Variants in PRKCE observed in about 807,000 individuals in gnomAD.
The protein encoded by PRKCE is protein kinase C epsilon type.
In PRKCE, 16 loss-of-function variants were observed where a neutral mutation model predicts 85.4. That is an observed-to-expected ratio of 0.19 (90% confidence interval 0.13 to 0.28). PRKCE has a LOEUF of 0.28. Ranked by LOEUF, PRKCE falls within the 10% of genes least tolerant of loss-of-function variation. The pLI is 1.00. For synonymous variants in PRKCE, 388 were observed against 371.5 expected (o/e 1.04, Z -0.51); for missense variants, 573 against 975.2 (o/e 0.59, Z 5.49).
intron 1 of PRKCE, among the ~76,000 whole-genome samples, chr2:45,698,729 G>A (rs550234241): frequency 6.6e-6 from 1 of 152,278 alleles, no homozygotes. Flanking sequence ...TGTATCCTAG[G>A]AAGCCATCTG....
At chr2:45,691,771 A>G (rs1231604584) in intron 1 of PRKCE, among the ~76,000 whole-genome samples, 1 of 152,206 alleles carries the variant, frequency 6.6e-6, no homozygotes, top group Non-Finnish European at 1.5e-5. Context: ...TAATGAGTAC[A>G]AGGTCACAGC....
chr2:45,918,328 G>T (rs953035536), intron 2 of PRKCE, among the ~76,000 whole-genome samples: 1 of 152,210 alleles, frequency 6.6e-6, no homozygotes, highest in Non-Finnish European at 1.5e-5. Context: ...TGTAATGTAG[G>T]CTTTAGCTTT....
In PRKCE at chr2:46,004,421, C is replaced by G. The variant is rs757903763; in HGVS notation, c.967-121C>G. ...ATGGCTGCAAGAGGACAGAGATCTACTGAATTCCTGCTGCTCTGGGAACTC... is the reference window on the plus strand; with the variant it reads ...ATGGCTGCAAGAGGACAGAGATCTAGTGAATTCCTGCTGCTCTGGGAACTC... On this transcript the variant is annotated intron_variant, in intron 7 of 14. Transcript: ENST00000306156. The surrounding 1 kb of genome is among the most constrained non-coding windows in gnomAD (Gnocchi z 4.1). 7.2e-6 allele frequency: 6 copies of G among 835,132 alleles called. No individual in the cohort carries two copies. The highest frequency in any genetic ancestry group is 9.5e-6 in the Non-Finnish European group (5 of 524,156). 51.7% of individuals were successfully genotyped at this position (835,132 alleles called of 1,614,324 possible). A position where few individuals can be genotyped will look rare whatever the true frequency, so the allele number is the denominator to read the frequency against.
At chr2:45,693,742 G>A (rs915453276) in intron 1 of PRKCE, among the ~76,000 whole-genome samples, 5 of 152,160 alleles carry the variant, frequency 3.3e-5, no homozygotes, top group East Asian at 1.9e-4. Context: ...GGGGTGGACC[G>A]TCACCCCTGA....
intron 10 of PRKCE, among the ~76,000 whole-genome samples, chr2:46,019,987 T>C (rs954385306): frequency 9.2e-5 from 14 of 151,808 alleles, no homozygotes; most frequent in Admixed American, 8.5e-4. Flanking sequence ...ATAGCTGGGA[T>C]TACAGGCACG....
chr2:45,889,421 C>T (rs1274026257), intron 2 of PRKCE, among the ~76,000 whole-genome samples: 1 of 152,242 alleles, frequency 6.6e-6, no homozygotes, highest in Non-Finnish European at 1.5e-5. Context: ...CAACGATGAA[C>T]TTGTGTCTTA....
intron 6 of PRKCE, among the ~76,000 whole-genome samples, chr2:45,992,015 G>A (rs932473955): frequency 3.9e-5 from 6 of 152,140 alleles, no homozygotes; most frequent in African/African-American, 1.4e-4. Flanking sequence ...TGGTGAACCT[G>A]GAGATAAAAC....
chr2:45,875,051 C>T (rs1265275935), intron 2 of PRKCE, among the ~76,000 whole-genome samples: 1 of 151,678 alleles, frequency 6.6e-6, no homozygotes, highest in African/African-American at 2.4e-5. Context: ...TACACACATG[C>T]ATGCAGGACC....
At chr2:46,045,370 G>T (rs1490628869) in intron 10 of PRKCE, among the ~76,000 whole-genome samples, 1 of 152,182 alleles carries the variant, frequency 6.6e-6, no homozygotes, top group East Asian at 1.9e-4. Context: ...AAGCAATTTT[G>T]ACCGTCCTCT....
At chr2:46,086,158 G>A (rs374600791) in intron 10 of PRKCE, 50 bp from the exon 11 acceptor site, 3 of 1,578,386 alleles carry the variant, frequency 1.9e-6, no homozygotes, top group East Asian at 2.2e-5. Flanking sequence ...TGGCCTGTGT[G>A]GGCAGCTGCA....
At chr2:45,792,324 C>T (rs952674750) in intron 1 of PRKCE, among the ~76,000 whole-genome samples, 13 of 152,194 alleles carry the variant, frequency 8.5e-5, no homozygotes, top group African/African-American at 3.1e-4. Context: ...ATAACCCAGA[C>T]ACCTCTCATG....
At chr2:46,021,307 G>A (rs1706639971) in intron 10 of PRKCE, among the ~76,000 whole-genome samples, 1 of 152,190 alleles carries the variant, frequency 6.6e-6, no homozygotes, top group Non-Finnish European at 1.5e-5. Context: ...AGTAAAGGGG[G>A]ATTCCTTGAA....
intron 2 of PRKCE, among the ~76,000 whole-genome samples, chr2:45,948,084 C>A (rs1355072835): frequency 6.6e-6 from 1 of 152,174 alleles, no homozygotes; most frequent in Non-Finnish European, 1.5e-5. Context: ...AACTGGAGAA[C>A]AATTTGTGAA....
At chr2:45,909,596 C>T (rs1033340259) in intron 2 of PRKCE, among the ~76,000 whole-genome samples, 4 of 152,158 alleles carry the variant, frequency 2.6e-5, no homozygotes, top group South Asian at 2.1e-4. Flanking sequence ...CAAAAATCAG[C>T]GAAAATAAAA....
intron 10 of PRKCE, among the ~76,000 whole-genome samples, chr2:46,077,335 A>C (rs565432594): frequency 6.6e-6 from 1 of 152,308 alleles, no homozygotes; most frequent in East Asian, 1.9e-4. Context: ...GTATACATGA[A>C]ATATGTACAG....
intron 2 of PRKCE, among the ~76,000 whole-genome samples, chr2:45,929,505 A>G (rs1176143321): frequency 2.6e-5 from 4 of 151,936 alleles, no homozygotes; most frequent in African/African-American, 9.7e-5. Context: ...GATGCAGGAA[A>G]CTGTTGCCCC....
chr2:46,154,513 T>C (rs1677007924), intron 13 of PRKCE, among the ~76,000 whole-genome samples: 1 of 136,768 alleles, frequency 7.3e-6, no homozygotes, highest in African/African-American at 2.7e-5. Context: ...CTGTGGCTCT[T>C]TGAAGCTTTC....
intron 1 of PRKCE, among the ~76,000 whole-genome samples, chr2:45,739,881 T>A (rs1357291766): frequency 6.6e-6 from 1 of 152,208 alleles, no homozygotes; most frequent in Non-Finnish European, 1.5e-5. Flanking sequence ...AAACCTTAAA[T>A]CCTCTTTAGG....
At chr2:45,832,633 A>G (rs1237064098) in intron 1 of PRKCE, among the ~76,000 whole-genome samples, 3 of 152,146 alleles carry the variant, frequency 2.0e-5, no homozygotes, top group Non-Finnish European at 4.4e-5. Context: ...TTTATCATTC[A>G]TGCAGTATGG....
Sources: gnomAD v4.1 joint callset for allele counts (sites outside exome capture counted in the v4.1 genomes callset) on GRCh38, gnomAD v4.1.1 for gene constraint, Gnocchi (gnomAD v3.1) non-coding constraint, MANE v1.5 for transcripts, NCBI Gene and HGNC (gene_info 2026-07-23, HGNC 2026-07-21) for gene names.